Variants in SLC24A4 observed in about 807,000 individuals in gnomAD.
The protein encoded by SLC24A4 is solute carrier family 24 member 4.
In SLC24A4, 53 loss-of-function variants were observed where a neutral mutation model predicts 79.0. That is an observed-to-expected ratio of 0.67 (90% confidence interval 0.54 to 0.84). The LOEUF is 0.84. SLC24A4 is among the 40% of genes least tolerant of loss of function. The pLI is 0.00. For missense variants in SLC24A4, 731 were observed against 822.0 expected (o/e 0.89, Z 1.35); for synonymous variants, 323 against 323.8 (o/e 1.00, Z 0.03).
At chr14:92,391,906 C>T (rs926082550) in intron 2 of SLC24A4, among the ~76,000 whole-genome samples, 3 of 152,138 alleles carry the variant, frequency 2.0e-5, no homozygotes, top group Admixed American at 1.3e-4. Flanking sequence ...CAGATGATGG[C>T]GACCTCAGCC....
chr14:92,480,182 A>C lies in SLC24A4; in HGVS notation c.1256-2498A>C, dbSNP rs569638238. Among the ~76,000 whole-genome samples, 28 of 144,432 alleles carry C rather than the reference A, an allele frequency of 1.9e-4. No individual in the cohort carries two copies. In the East Asian group the frequency reaches 5.2e-3, roughly 27 times the overall value. 94.8% of individuals were successfully genotyped at this position (144,432 alleles called of 152,430 possible). A position where few individuals can be genotyped will look rare whatever the true frequency, so the allele number is the denominator to read the frequency against. ...TTCTATTTCATTTATTTTCACTCTA[A>C]CCTTGATTCTTTTCCTTCCTTCTGC... is the stretch of plus-strand genomic sequence containing the variant. On this transcript the variant is annotated intron_variant, in intron 12 of 16. Coordinates refer to ENST00000532405, the MANE Select transcript of SLC24A4 (RefSeq NM_153646.4).
intron 2 of SLC24A4, among the ~76,000 whole-genome samples, chr14:92,410,660 T>C (rs1890660906): frequency 6.6e-6 from 1 of 152,188 alleles, no homozygotes; most frequent in African/African-American, 2.4e-5. Context: ...TTCTGAACAA[T>C]TCTAAGAGGT....
chr14:92,409,659 T>G (rs28671668), intron 2 of SLC24A4, among the ~76,000 whole-genome samples: 57,504 of 151,820 alleles, frequency 0.38, 11,055 homozygotes, highest in African/African-American at 0.42. Flanking sequence ...GGGCAACCAC[T>G]CTCCTGACTG....
At chr14:92,390,934 G>A (rs1281842119) in intron 2 of SLC24A4, among the ~76,000 whole-genome samples, 1 of 152,166 alleles carries the variant, frequency 6.6e-6, no homozygotes, top group Non-Finnish European at 1.5e-5. Context: ...TCTTCCATGT[G>A]GTCATTCAGG....
At chr14:92,420,653 G>A (rs188162573) in intron 2 of SLC24A4, among the ~76,000 whole-genome samples, 21 of 152,296 alleles carry the variant, frequency 1.4e-4, no homozygotes, top group African/African-American at 4.3e-4. Flanking sequence ...GTCAAGGTGC[G>A]TCCCAGGGAC....
intron 12 of SLC24A4, among the ~76,000 whole-genome samples, chr14:92,469,329 A>G (rs1220136389): frequency 1.3e-5 from 2 of 152,172 alleles, no homozygotes; most frequent in Non-Finnish European, 2.9e-5. Flanking sequence ...TAACATGGTG[A>G]AACCCTGTCT....
intron 2 of SLC24A4, among the ~76,000 whole-genome samples, chr14:92,385,186 C>T (rs1329766155): frequency 6.6e-6 from 1 of 152,214 alleles, no homozygotes; most frequent in Non-Finnish European, 1.5e-5. Flanking sequence ...AGTGCCTACC[C>T]ATGCCTTCTG....
intron 2 of SLC24A4, among the ~76,000 whole-genome samples, chr14:92,418,307 C>G (rs1372590404): frequency 6.6e-6 from 1 of 152,182 alleles, no homozygotes; most frequent in Non-Finnish European, 1.5e-5. Flanking sequence ...TCCTTGAACT[C>G]TACGTGCTCG....
At chr14:92,354,292 A>G (rs1566708189) in intron 2 of SLC24A4, among the ~76,000 whole-genome samples, 2 of 151,952 alleles carry the variant, frequency 1.3e-5, no homozygotes, top group Non-Finnish European at 2.9e-5. Flanking sequence ...CTGGGACTAC[A>G]GGCACCTGCC....
chr14:92,376,976 G>T (rs571796756), intron 2 of SLC24A4, among the ~76,000 whole-genome samples: 1 of 152,176 alleles, frequency 6.6e-6, no homozygotes, highest in Non-Finnish European at 1.5e-5. Context: ...GGGAACACTC[G>T]TCTGAGTGAA....
intron 12 of SLC24A4, among the ~76,000 whole-genome samples, chr14:92,466,238 T>C (rs985182397): frequency 9.2e-5 from 14 of 152,332 alleles, no homozygotes; most frequent in African/African-American, 2.6e-4. Flanking sequence ...AAGCGGAAGT[T>C]AACATGGTTA....
chr14:92,420,718 C>A (rs1891227834), intron 2 of SLC24A4, among the ~76,000 whole-genome samples: 4 of 152,130 alleles, frequency 2.6e-5, no homozygotes, highest in Admixed American at 2.6e-4. Context: ...ATTGTTTCTG[C>A]AGTTGTATCA....
rs1884932316 is a variant in SLC24A4, at chr14:92,323,716, T to G, written c.-115T>G. On this transcript the variant is annotated 5_prime_UTR_variant, in exon 1 of 17. Transcript: ENST00000532405. This position sits in a 1 kb window ranked among gnomAD's most constrained non-coding sequence, Gnocchi z 4.9. ...CCATGAGGCTTTGGCCCGGAGCTCC[T>G]CGCCTCTGAGTCGCGCACCGCCTGC... 5 of 1,343,052 alleles carry G rather than the reference T, an allele frequency of 3.7e-6. No homozygotes were observed. Among genetic ancestry groups the G allele is most frequent in the Non-Finnish European group, 4.9e-6 (5 of 1,016,212 alleles). 83.2% of individuals were successfully genotyped at this position (1,343,052 alleles called of 1,614,324 possible). A position where few individuals can be genotyped will look rare whatever the true frequency, so the allele number is the denominator to read the frequency against.
At chr14:92,410,028 G>C (rs910769927) in intron 2 of SLC24A4, among the ~76,000 whole-genome samples, 1 of 152,170 alleles carries the variant, frequency 6.6e-6, no homozygotes, top group East Asian at 1.9e-4. Context: ...ACAGACACTG[G>C]TGTCTATTTG....
intron 13 of SLC24A4, chr14:92,484,516 A>T: frequency 1.0e-6 from 1 of 985,392 alleles, no homozygotes. Context: ...TCTGTATCCC[A>T]AAAAGAAGCT....
intron 11 of SLC24A4, among the ~76,000 whole-genome samples, chr14:92,455,533 A>AT (rs1489719734): frequency 6.6e-6 from 1 of 152,250 alleles, no homozygotes; most frequent in African/African-American, 2.4e-5. Flanking sequence ...GAATCCATTT[A>AT]TATGAAGTTC....
chr14:92,347,932 CA>C (rs1210684295), intron 2 of SLC24A4, among the ~76,000 whole-genome samples: 1 of 151,566 alleles, frequency 6.6e-6, no homozygotes, highest in Admixed American at 6.6e-5. Flanking sequence ...TCTAAAAAAA[CA>C]AAAAACAAAA....
chr14:92,399,809 A>G (rs1012623857), intron 2 of SLC24A4, among the ~76,000 whole-genome samples: 1 of 152,214 alleles, frequency 6.6e-6, no homozygotes, highest in African/African-American at 2.4e-5. Context: ...AGAGTTGAAT[A>G]TGACCTTTGC....
intron 9 of SLC24A4, among the ~76,000 whole-genome samples, chr14:92,447,733 A>G (rs1253567344): frequency 2.6e-5 from 4 of 152,198 alleles, no homozygotes; most frequent in Non-Finnish European, 4.4e-5. Flanking sequence ...CAGCTTCTCC[A>G]TGCCCCAGGG....
Sources: allele counts gnomAD v4.1 joint callset (sites outside exome capture counted in the v4.1 genomes callset), GRCh38; gene constraint gnomAD v4.1.1; non-coding constraint Gnocchi (gnomAD v3.1); transcripts MANE v1.5; gene names NCBI Gene and HGNC (gene_info 2026-07-23, HGNC 2026-07-21).